ABHD14A: variants seen among roughly 807,000 people sequenced by gnomAD.
ABHD14A encodes protein ABHD14A.
A neutral mutation model predicts 27.0 loss-of-function variants in ABHD14A; 19 were observed. That is an observed-to-expected ratio of 0.70 (90% confidence interval 0.49 to 1.03). The LOEUF (loss-of-function observed/expected upper bound fraction) is 1.03. Ranked by LOEUF, ABHD14A falls within the 50% of genes least tolerant of loss-of-function variation. ABHD14A has a pLI of 0.00. For missense variants in ABHD14A, 311 were observed against 344.6 expected, an observed-to-expected ratio of 0.90 and a Z score of 0.77; for synonymous variants, 148 against 158.8, an observed-to-expected ratio of 0.93 and a Z score of 0.51.
At chr3:51,978,150 T>G (rs962744878) in intron 2 of ABHD14A, 68 bp downstream of exon 2, 2 of 1,555,458 alleles carry the variant, frequency 1.3e-6, no homozygotes, top group African/African-American at 2.7e-5. Context: ...GGGACCCCCA[T>G]TATACTCAGG....
intron 1 of ABHD14A, among the ~76,000 whole-genome samples, chr3:51,976,114 G>A (rs1700782444): frequency 6.6e-6 from 1 of 152,256 alleles, no homozygotes; most frequent in African/African-American, 2.4e-5. Flanking sequence ...CCTCGCGCCC[G>A]GTGGGAATCT....
chr3:51,980,177 C>T, intron 3 of ABHD14A: 1 of 649,262 alleles, frequency 1.5e-6, no homozygotes, highest in Non-Finnish European at 2.9e-6. Context: ...CCGCCTCGGC[C>T]TCCCAAAGTG....
chr3:51,976,651 G>A (rs1700794108), intron 1 of ABHD14A, among the ~76,000 whole-genome samples: 1 of 152,188 alleles, frequency 6.6e-6, no homozygotes, highest in Non-Finnish European at 1.5e-5. Context: ...CTCTAGCCTG[G>A]GCGACAGAGC....
chr3:51,978,460 G>T, intron 3 of ABHD14A, 86 bp downstream of exon 3: 1 of 944,636 alleles, frequency 1.1e-6, no homozygotes, highest in South Asian at 1.7e-5. Context: ...GGCCGTGGCA[G>T]GTCACAACAT....
chr3:51,980,752 G>A, intron 4 of ABHD14A, 84 bp from the exon 5 acceptor site: 2 of 1,567,194 alleles, frequency 1.3e-6, no homozygotes, highest in Middle Eastern at 3.5e-4. Context: ...GTTGGATGGT[G>A]TTGGGGAAGG....
chr3:51,979,547 C>T (rs1335757630), intron 3 of ABHD14A, among the ~76,000 whole-genome samples: 3 of 146,828 alleles, frequency 2.0e-5, no homozygotes, highest in Non-Finnish European at 3.0e-5. Flanking sequence ...TGCAGTGGCT[C>T]GTACTCGGCT....
In ABHD14A at chr3:51,980,901, C is replaced by T; in HGVS notation, c.699C>T (p.Leu233=). Residue 233 remains leucine (L), a synonymous_variant, in exon 5 of 5, where the codon CTC becomes CTT. Coordinates refer to ENST00000273596, the MANE Select transcript of ABHD14A (RefSeq NM_015407.5). ...HILARESLRQ[L]RHLPNHSVVK... Reference sequence around the variant, plus strand: ...TGGCTCGAGAGTCACTGCGGCAGCTCCGCCACCTGCCCAACCACTCTGTGG... The same window carrying T: ...TGGCTCGAGAGTCACTGCGGCAGCTTCGCCACCTGCCCAACCACTCTGTGG... 6.2e-7 allele frequency: 1 copy of T among 1,614,152 alleles called. No homozygotes were observed.
Position 51,980,909 on chromosome 3 carries a change from TG to T in ABHD14A, c.708del (p.Asn238ThrfsTer5). 1.2e-6 allele frequency: 2 copies of T among 1,614,184 alleles called. No homozygotes were observed. Among genetic ancestry groups the T allele is most frequent in the Non-Finnish European group, 1.7e-6 (2 of 1,180,034 alleles). ...ARESLRQLRH[L>X]PNHSVVKLRN... Reference sequence around the variant, plus strand: ...GAGTCACTGCGGCAGCTCCGCCACCTGCCCAACCACTCTGTGGTGAAGCTAC... The same window carrying T: ...GAGTCACTGCGGCAGCTCCGCCACCTCCCAACCACTCTGTGGTGAAGCTAC... On this transcript the variant is annotated frameshift_variant, in exon 5 of 5. Coordinates refer to ENST00000273596, the MANE Select transcript of ABHD14A (RefSeq NM_015407.5). LOFTEE classifies it high-confidence loss of function.
rs533685872 is a variant in ABHD14A, at chr3:51,980,722, C to T, written c.633+94C>T. 6.4e-6 allele frequency: 10 copies of T among 1,555,530 alleles called. No homozygotes were observed. In the African/African-American group the frequency reaches 1.4e-4, roughly 21 times the overall value. On this transcript the variant is annotated intron_variant, in intron 4 of 4. Transcript: ENST00000273596. ...CTTACTTGGAGGGACATGGCCTTAT[C>T]CCTGACCTTGGATGGAAGAGTTGGA...
In ABHD14A at chr3:51,978,026, C is replaced by T. The variant is rs776472832; in HGVS notation, c.225C>T (p.Thr75=). 1.1e-5 allele frequency: 18 copies of T among 1,613,952 alleles called. 1 individual carries two copies. The highest frequency in any genetic ancestry group is 1.1e-4 in the South Asian group (10 of 91,096). The change falls in exon 2 of 5, where the codon ACC becomes ACT. Residue 75 remains threonine (T), a synonymous_variant. Coordinates refer to ENST00000273596, the MANE Select transcript of ABHD14A (RefSeq NM_015407.5). ...ATGTCACAGTCCTGGCTGGTCTCAC[C>T]CCTGGCAACTCGCCCATCTTTTACC... ...DPNVTVLAGL[T]PGNSPIFYRE... is the part of the protein sequence containing the mutation.
intron 4 of ABHD14A, 34 bp from the exon 5 acceptor site, chr3:51,980,802 C>T: frequency 6.3e-7 from 1 of 1,597,600 alleles, no homozygotes; most frequent in Non-Finnish European, 8.6e-7. Context: ...ACTCATCAGG[C>T]CCCAAGATCA....
At chr3:51,979,900 C>T (rs983015471) in intron 3 of ABHD14A, among the ~76,000 whole-genome samples, 2 of 152,076 alleles carry the variant, frequency 1.3e-5, no homozygotes, top group Non-Finnish European at 2.9e-5. Context: ...TCTCCCCCAA[C>T]ACTGGGTATT....
chr3:51,975,168 C>G lies in ABHD14A; in HGVS notation c.33C>G (p.Arg11=), dbSNP rs1700758544. Residue 11 remains arginine, a synonymous_variant, in exon 1 of 5, where the codon CGC becomes CGG. Coordinates refer to ENST00000273596, the MANE Select transcript of ABHD14A (RefSeq NM_015407.5). MVGALCGCWF[R]LGGARPLIPL... The stretch of plus-strand genomic sequence containing the variant: ...GGGCGCTGTGCGGCTGCTGGTTCCG[C>G]CTGGGCGGGGCCCGCCCGCTCATCC... The G allele has an allele frequency of 7.8e-7, 1 of 1,283,474 alleles. No individual in the cohort carries two copies. Among genetic ancestry groups the G allele is most frequent in the Admixed American group, 4.0e-5 (1 of 24,868 alleles). The allele number at this position is 1,283,474 out of a possible 1,614,324, so 79.5% of individuals were successfully genotyped here.
At chr3:51,976,060 T>A (rs919820681) in intron 1 of ABHD14A, among the ~76,000 whole-genome samples, 5 of 152,348 alleles carry the variant, frequency 3.3e-5, no homozygotes, top group African/African-American at 1.2e-4. Context: ...CTTCCCGCTT[T>A]GGAGAAGCGC....
chr3:51,977,790 T>C, intron 1 of ABHD14A, 81 bp from the exon 2 acceptor site: 1 of 1,332,802 alleles, frequency 7.5e-7, no homozygotes, highest in Non-Finnish European at 1.1e-6. Context: ...CTGGGGACTC[T>C]GGGTGGGGTT....
At chr3:51,978,686 G>A (rs1169916333) in intron 3 of ABHD14A, 1 of 269,394 alleles carries the variant, frequency 3.7e-6, no homozygotes, top group East Asian at 1.2e-4. Flanking sequence ...CCGCCTCCCG[G>A]GTTCAAGCAA....
At chr3:51,976,108 G>A (rs963688008) in intron 1 of ABHD14A, among the ~76,000 whole-genome samples, 7 of 152,234 alleles carry the variant, frequency 4.6e-5, no homozygotes, top group Middle Eastern at 3.2e-3. Flanking sequence ...AATGTCCCTC[G>A]CGCCCGGTGG....
At chr3:51,976,337 C>T (rs1005614962) in intron 1 of ABHD14A, among the ~76,000 whole-genome samples, 5 of 152,208 alleles carry the variant, frequency 3.3e-5, no homozygotes, top group Admixed American at 2.6e-4. Flanking sequence ...GGAACCAAGA[C>T]GGGCCCCCGG....
chr3:51,976,284 C>T (rs912521860), intron 1 of ABHD14A, among the ~76,000 whole-genome samples: 5 of 152,234 alleles, frequency 3.3e-5, no homozygotes, highest in African/African-American at 1.2e-4. Flanking sequence ...CCTGGGGATG[C>T]GGGCTCAGGA....
Sources: allele counts gnomAD v4.1 joint callset (sites outside exome capture counted in the v4.1 genomes callset), GRCh38; gene constraint gnomAD v4.1.1; transcripts MANE v1.5; gene names NCBI Gene and HGNC (gene_info 2026-07-23, HGNC 2026-07-21).